The following PRELID2 variants were observed in gnomAD, a reference collection of about 807,000 sequenced individuals.
The protein encoded by PRELID2 is PRELI domain-containing protein 2.
PRELID2 carries 25 observed loss-of-function variants against 28.4 expected under a neutral mutation model. That is an observed-to-expected ratio of 0.88 (90% confidence interval 0.64 to 1.23). The LOEUF (loss-of-function observed/expected upper bound fraction) is 1.23, where lower values mean the gene tolerates loss of function less well. Among genes scored for constraint, PRELID2 ranks in the 50% most tolerant of loss-of-function variants. The pLI is 0.00. For synonymous variants in PRELID2, 76 were observed against 71.6 expected (o/e 1.06, Z -0.31); for missense variants, 201 against 214.4 (o/e 0.94, Z 0.39).
the PRELID2 span, among the ~76,000 whole-genome samples, chr5:145,336,499 C>T: frequency 9.5e-3 from 1,450 of 151,868 alleles, 23 homozygotes; most frequent in African/African-American, 0.033. Flanking sequence ...TATGGCTAGC[C>T]AGTTTTCCCA....
chr5:145,729,276 A>G (rs528228133), intron 1 of PRELID2: 5 of 1,069,530 alleles, frequency 4.7e-6, no homozygotes, highest in Non-Finnish European at 7.0e-6. Flanking sequence ...AAAATCAAGC[A>G]TATTCCACAA....
At chr5:145,549,063 C>G (rs1389350551) in intron 1 of PRELID2, among the ~76,000 whole-genome samples, 1 of 152,172 alleles carries the variant, frequency 6.6e-6, no homozygotes, top group Non-Finnish European at 1.5e-5. Flanking sequence ...GAGGTTGCAG[C>G]CTAATGCTCA....
intron 1 of PRELID2, among the ~76,000 whole-genome samples, chr5:145,477,037 C>A (rs964937598): frequency 6.6e-6 from 1 of 152,086 alleles, no homozygotes; most frequent in African/African-American, 2.4e-5. Context: ...AATTCTGGAG[C>A]CCATTCTGTA....
intron 1 of PRELID2, among the ~76,000 whole-genome samples, chr5:145,596,321 A>T (rs1162196013): frequency 6.6e-6 from 1 of 152,090 alleles, no homozygotes; most frequent in Admixed American, 6.6e-5. Flanking sequence ...AGAAAAAGGT[A>T]ACACAATTTT....
the PRELID2 span, among the ~76,000 whole-genome samples, chr5:145,353,234 G>T: frequency 6.6e-6 from 1 of 152,098 alleles, no homozygotes; most frequent in South Asian, 2.1e-4. Context: ...GAGGTGAGTG[G>T]ATTACTTGAG....
At chr5:145,666,210 G>T (rs1278924710) in intron 1 of PRELID2, among the ~76,000 whole-genome samples, 2 of 152,104 alleles carry the variant, frequency 1.3e-5, no homozygotes, top group East Asian at 3.9e-4. Context: ...GGCAAAAAGA[G>T]ATTTCTTTCC....
At chr5:145,289,948 G>A in the PRELID2 span, among the ~76,000 whole-genome samples, 3 of 152,084 alleles carry the variant, frequency 2.0e-5, no homozygotes, top group Admixed American at 6.6e-5. Flanking sequence ...TAATTGGGTT[G>A]TTTGTTTTCT....
chr5:145,746,968 A>G (rs1344165350), intron 1 of PRELID2, among the ~76,000 whole-genome samples: 1 of 152,188 alleles, frequency 6.6e-6, no homozygotes, highest in Non-Finnish European at 1.5e-5. Flanking sequence ...GAAACCAAGA[A>G]GTTCTTTGAA....
intron 4 of PRELID2, among the ~76,000 whole-genome samples, chr5:145,817,141 T>C (rs1161088581): frequency 7.0e-6 from 1 of 143,614 alleles, no homozygotes; most frequent in Non-Finnish European, 1.5e-5. Context: ...CACCGAGCCA[T>C]GATTACACCA....
At chr5:145,374,552 C>A in the PRELID2 span, among the ~76,000 whole-genome samples, 3 of 152,042 alleles carry the variant, frequency 2.0e-5, no homozygotes, top group African/African-American at 4.8e-5. Context: ...GGAAGTTTCC[C>A]TGGTTAATAT....
chr5:145,350,970 T>C, the PRELID2 span, among the ~76,000 whole-genome samples: 2 of 152,208 alleles, frequency 1.3e-5, no homozygotes, highest in Admixed American at 1.3e-4. Flanking sequence ...CAGGCAGTTA[T>C]TGAGCACTTG....
chr5:145,342,643 T>A, the PRELID2 span, among the ~76,000 whole-genome samples: 3 of 151,996 alleles, frequency 2.0e-5, no homozygotes, highest in Non-Finnish European at 4.4e-5. Context: ...ATCTGAGATT[T>A]AAAAAATTTC....
intron 1 of PRELID2, among the ~76,000 whole-genome samples, chr5:145,737,362 G>A (rs1251231750): frequency 2.6e-5 from 4 of 151,846 alleles, no homozygotes; most frequent in Non-Finnish European, 4.4e-5. Flanking sequence ...AGGAATGCAC[G>A]CAAAGATTTC....
chr5:145,709,964 C>A (rs1265441124), intron 1 of PRELID2, among the ~76,000 whole-genome samples: 1 of 152,198 alleles, frequency 6.6e-6, no homozygotes, highest in East Asian at 1.9e-4. Context: ...CCTGGAGAAG[C>A]GAGATCTAAT....
intron 1 of PRELID2, among the ~76,000 whole-genome samples, chr5:145,549,922 ATGAAAT>A (rs1227496725): frequency 6.6e-6 from 1 of 152,162 alleles, no homozygotes; most frequent in African/African-American, 2.4e-5. Context: ...ATTTTAAAAG[ATGAAAT>A]TGTTTCCTTC....
At chr5:145,592,176 G>T (rs1489369338) in intron 1 of PRELID2, among the ~76,000 whole-genome samples, 1 of 152,144 alleles carries the variant, frequency 6.6e-6, no homozygotes, top group African/African-American at 2.4e-5. Flanking sequence ...CACCACTTTG[G>T]GAGGCTGAGG....
At chr5:145,398,469 G>A in the PRELID2 span, among the ~76,000 whole-genome samples, 1 of 152,088 alleles carries the variant, frequency 6.6e-6, no homozygotes, top group African/African-American at 2.4e-5. Context: ...TCTCATGCCT[G>A]CCTTCTATGA....
intron 1 of PRELID2, among the ~76,000 whole-genome samples, chr5:145,506,989 T>A (rs1360191645): frequency 6.6e-6 from 1 of 152,196 alleles, no homozygotes; most frequent in Non-Finnish European, 1.5e-5. Context: ...ACTTGTTCAT[T>A]GTCTCCCTCC....
chr5:145,437,764 A>C, the PRELID2 span, among the ~76,000 whole-genome samples: 1 of 152,048 alleles, frequency 6.6e-6, no homozygotes, highest in Non-Finnish European at 1.5e-5. Flanking sequence ...CTGTTTTTAG[A>C]GATAAGAACC....
Sources: allele counts gnomAD v4.1 joint callset (sites outside exome capture counted in the v4.1 genomes callset), GRCh38; gene constraint gnomAD v4.1.1; transcripts MANE v1.5; gene names NCBI Gene and HGNC (gene_info 2026-07-23, HGNC 2026-07-21).